ACP6: variants seen among roughly 807,000 people sequenced by gnomAD.
ACP6 encodes lysophosphatidic acid phosphatase type 6.
ACP6 carries 48 observed loss-of-function variants against 48.1 expected under a neutral mutation model. That is an observed-to-expected ratio of 1.00 (90% CI 0.79 to 1.27). ACP6 has a LOEUF of 1.27. ACP6 is among the 50% of genes most tolerant of loss of function. The probability of loss-of-function intolerance (pLI) is 0.00; values close to 1 mark genes in which losing one functional copy is unlikely to be tolerated. For missense variants in ACP6, 485 were observed against 529.1 expected (o/e 0.92, Z 0.82); for synonymous variants, 172 against 204.2 (o/e 0.84, Z 1.34).
rs1415417908 is a variant in ACP6, at chr1:147,645,213, T to TTATAATAATTTTATAAAAA, written c.*2191_*2209dup. 1 of 149,636 alleles carries TTATAATAATTTTATAAAAA rather than the reference T, an allele frequency of 6.7e-6. No individual in the cohort carries two copies. The highest frequency in any genetic ancestry group is 2.4e-5 in the African/African-American group (1 of 40,818). 9.3% of individuals were successfully genotyped at this position (149,636 alleles called of 1,614,324 possible). On this transcript the variant is annotated 3_prime_UTR_variant, in exon 10 of 10. Transcript: ENST00000583509. ...CCATAAATATAATAATTTTATAAAATTATAATAATTTTATAAAAATATAAT... is the reference window on the plus strand; with the variant it reads ...CCATAAATATAATAATTTTATAAAATTATAATAATTTTATAAAAATATAATAATTTTATAAAAATATAAT...
chr1:147,651,890 T>C (rs2148905468), intron 7 of ACP6: 1 of 152,396 alleles, frequency 6.6e-6, no homozygotes, highest in Non-Finnish European at 1.5e-5. Context: ...AAACTTTCCA[T>C]TCTGGTAGTC....
intron 9 of ACP6, 159 bp downstream of exon 9, chr1:147,648,087 C>T (rs989487526): frequency 2.8e-5 from 22 of 785,582 alleles, no homozygotes; most frequent in South Asian, 2.2e-4. Flanking sequence ...TGCCTGACCC[C>T]TGGGCCATAG....
At chr1:147,656,481 T>C (rs782238858) in intron 4 of ACP6, among the ~76,000 whole-genome samples, 1 of 152,222 alleles carries the variant, frequency 6.6e-6, no homozygotes, top group Non-Finnish European at 1.5e-5. Context: ...GCAAGATTTG[T>C]TGTGAAAAGG....
Position 147,647,581 on chromosome 1 carries a change from TAACTC to T in ACP6, c.1144-20_1144-16del, listed in dbSNP as rs782760191. 1 of 1,610,014 alleles carries T rather than the reference TAACTC, an allele frequency of 6.2e-7. No individual in the cohort carries two copies. The highest frequency in any genetic ancestry group is 8.5e-7 in the Non-Finnish European group (1 of 1,179,616). On this transcript the variant is annotated splice_polypyrimidine_tract_variant and intron_variant, in intron 9 of 9. Transcript: ENST00000583509. Reference sequence around the variant, plus strand: ...GGCACCTGCTCCTGCAGAAGAAACATAACTCAGCAGGTCCGCCGAGGAACCTGTCC... The same window carrying T: ...GGCACCTGCTCCTGCAGAAGAAACATAGCAGGTCCGCCGAGGAACCTGTCC...
At chr1:147,656,170 G>A (rs587742488) in intron 4 of ACP6, among the ~76,000 whole-genome samples, 63 of 152,242 alleles carry the variant, frequency 4.1e-4, no homozygotes, top group African/African-American at 1.4e-3. Context: ...CACACACATC[G>A]TTGGTCTGGA....
At chr1:147,637,785 G>C (rs55690224), downstream of ACP6, among the ~76,000 whole-genome samples, 6,236 of 152,200 alleles carry the variant, frequency 0.041, 214 homozygotes, top group Non-Finnish European at 0.062. Flanking sequence ...ATTTGGCCTA[G>C]GATCTAAAAC....
chr1:147,669,986 C>CG lies in ACP6; in HGVS notation c.62dup (p.Tyr22ValfsTer69). 6.5e-7 allele frequency: 1 copy of CG among 1,548,538 alleles called. No homozygotes were observed. ...CCACCCGCCGCTGGTGCAGGCAGTA[C>CG]GCCAGCGAGGTCAGGACGCCCACTG... On this transcript the variant is annotated frameshift_variant, in exon 1 of 10. Transcript: ENST00000583509. LOFTEE classifies it high-confidence loss of function.
intron 1 of ACP6, among the ~76,000 whole-genome samples, chr1:147,662,825 T>C (rs373247531): frequency 6.6e-6 from 1 of 152,344 alleles, no homozygotes; most frequent in African/African-American, 2.4e-5. Context: ...AACTGTGTCA[T>C]AAGCTACAGA....
chr1:147,632,709 C>T (rs1374854584), intron 5 of ACP6, among the ~76,000 whole-genome samples: 1 of 152,096 alleles, frequency 6.6e-6, no homozygotes, highest in African/African-American at 2.4e-5. Context: ...ACTCTTTGGT[C>T]TTAATCAGAG....
Position 147,648,284 on chromosome 1 carries a change from A to T in ACP6, c.1105T>A (p.Ser369Thr), listed in dbSNP as rs1553209879. 2.5e-6 allele frequency: 4 copies of T among 1,614,046 alleles called. No individual in the cohort carries two copies. The Admixed American group carries it at 6.7e-5, about 27-fold the overall frequency. The change falls in exon 9 of 10, where the codon TCT becomes ACT. Residue 369 changes from serine to threonine, a missense_variant. By Grantham distance (58) the Ser-to-Thr change is moderately conservative. Transcript: ENST00000583509. ...TAGAGCTGCACAAACCACTCCTTAGATTCCAGGTGCTGGTAAAGTTCCATG... is the reference window on the plus strand; with the variant it reads ...TAGAGCTGCACAAACCACTCCTTAGTTTCCAGGTGCTGGTAAAGTTCCATG... ...LTMELYQHLE[S>T]KEWFVQLYYH...
At chr1:147,659,609 T>A in intron 2 of ACP6, 38 bp downstream of exon 2, 1 of 1,613,706 alleles carries the variant, frequency 6.2e-7, no homozygotes, top group South Asian at 1.1e-5. Flanking sequence ...ACCCAACCTT[T>A]GCAGTGGGGC....
rs1659509516 is a variant in ACP6 at position 147,643,264 on chromosome 1, T to C, written c.*4159A>G. On this transcript the variant is annotated 3_prime_UTR_variant, in exon 10 of 10. Transcript: ENST00000583509. Reference sequence around the variant, plus strand: ...TCATCAGTGTTACAAGGCAACGATGTTGAACAAAACACAATGTTATTCAAG... The same window carrying C: ...TCATCAGTGTTACAAGGCAACGATGCTGAACAAAACACAATGTTATTCAAG... The C allele has an allele frequency of 6.6e-6, 1 of 152,184 alleles. No homozygotes were observed. The highest frequency in any genetic ancestry group is 1.5e-5 in the Non-Finnish European group (1 of 68,034). 9.4% of individuals were successfully genotyped at this position (152,184 alleles called of 1,614,324 possible).
chr1:147,662,841 C>A (rs1660614896), intron 1 of ACP6, among the ~76,000 whole-genome samples: 1 of 152,296 alleles, frequency 6.6e-6, no homozygotes, highest in Non-Finnish European at 1.5e-5. Flanking sequence ...ACAGAGAAAT[C>A]TTTCATGAAA....
At chr1:147,631,407 C>G (rs1659159651) in intron 5 of ACP6, among the ~76,000 whole-genome samples, 1 of 152,170 alleles carries the variant, frequency 6.6e-6, no homozygotes, top group Non-Finnish European at 1.5e-5. Context: ...CTTCATCACT[C>G]TAGATGAAGT....
chr1:147,659,830 T>A, intron 1 of ACP6, 55 bp from the exon 2 acceptor site: 1 of 1,590,208 alleles, frequency 6.3e-7, no homozygotes. Flanking sequence ...TTGAAATGTA[T>A]AGCATTAACA....
intron 1 of ACP6, among the ~76,000 whole-genome samples, chr1:147,664,166 G>A (rs11579007): frequency 0.34 from 51,036 of 151,828 alleles, 10,018 homozygotes; most frequent in Non-Finnish European, 0.44. Flanking sequence ...AGGACCAGGT[G>A]TTCACAGAGA....
chr1:147,664,774 CA>C (rs1553213349), intron 1 of ACP6, among the ~76,000 whole-genome samples: 1 of 152,188 alleles, frequency 6.6e-6, no homozygotes, highest in Non-Finnish European at 1.5e-5. Context: ...TAAATGACAG[CA>C]ATACCATAAT....
chr1:147,661,398 C>A (rs587635100), intron 1 of ACP6, among the ~76,000 whole-genome samples: 1 of 151,844 alleles, frequency 6.6e-6, no homozygotes, highest in East Asian at 1.9e-4. Flanking sequence ...ACTATTTTAA[C>A]TATTTGGGAG....
intron 3 of ACP6, 48 bp downstream of exon 3, chr1:147,659,348 T>G (rs1312135161): frequency 6.3e-7 from 1 of 1,596,188 alleles, no homozygotes; most frequent in Admixed American, 1.7e-5. Context: ...GGTATCCTCA[T>G]GTTCAAGACC....
Sources: gnomAD v4.1 joint callset for allele counts (sites outside exome capture counted in the v4.1 genomes callset) on GRCh38, gnomAD v4.1.1 for gene constraint, MANE v1.5 for transcripts, NCBI Gene and HGNC (gene_info 2026-07-23, HGNC 2026-07-21) for gene names.